Variants in FAM171A1 observed in about 807,000 individuals in gnomAD.
FAM171A1 encodes the protein protein FAM171A1.
In FAM171A1, 23 loss-of-function variants were observed where a neutral mutation model predicts 74.9. The observed-to-expected ratio is 0.31, with a 90% CI of 0.22 to 0.44. The LOEUF is 0.44. Among genes scored for constraint, FAM171A1 ranks in the 20% least tolerant of loss-of-function variants. The pLI, the probability that FAM171A1 is intolerant of heterozygous loss-of-function variation, is 1.00. For missense variants in FAM171A1, 1,162 were observed against 1,159.2 expected, an observed-to-expected ratio of 1.00 and a Z score of -0.03; for synonymous variants, 527 against 505.7, an observed-to-expected ratio of 1.04 and a Z score of -0.57.
chr10:15,325,105 C>T (rs1408006089), intron 1 of FAM171A1, among the ~76,000 whole-genome samples: 2 of 152,214 alleles, frequency 1.3e-5, no homozygotes, highest in African/African-American at 4.8e-5. Flanking sequence ...CCCTGACAGC[C>T]AGGGGAGTTC....
At chr10:15,257,878 G>A (rs983608293) in intron 3 of FAM171A1, among the ~76,000 whole-genome samples, 8 of 152,044 alleles carry the variant, frequency 5.3e-5, no homozygotes, top group Non-Finnish European at 1.0e-4. Context: ...GCCTGCCTCC[G>A]TGTACTAAAG....
intron 1 of FAM171A1, among the ~76,000 whole-genome samples, chr10:15,301,129 T>C (rs911826772): frequency 6.6e-6 from 1 of 152,136 alleles, no homozygotes; most frequent in African/African-American, 2.4e-5. Context: ...GCACATATTG[T>C]GGGCAAGATA....
chr10:15,360,217 G>A (rs922912744), intron 1 of FAM171A1, among the ~76,000 whole-genome samples: 1 of 152,170 alleles, frequency 6.6e-6, no homozygotes, highest in African/African-American at 2.4e-5. Context: ...GTAGGTGTGA[G>A]CCACCACACC....
chr10:15,263,024 A>G (rs1834680225), intron 3 of FAM171A1, among the ~76,000 whole-genome samples: 1 of 152,150 alleles, frequency 6.6e-6, no homozygotes, highest in Non-Finnish European at 1.5e-5. Context: ...TGCTGGGAAA[A>G]GCTTCCCACA....
At chr10:15,319,801 CATA>C (rs1246181461) in intron 1 of FAM171A1, among the ~76,000 whole-genome samples, 11 of 152,160 alleles carry the variant, frequency 7.2e-5, no homozygotes, top group Non-Finnish European at 1.5e-4. Context: ...CAAAAACAGA[CATA>C]ATCCCTTCAT....
chr10:15,332,604 C>G (rs920258391), intron 1 of FAM171A1, among the ~76,000 whole-genome samples: 2 of 152,146 alleles, frequency 1.3e-5, no homozygotes, highest in African/African-American at 4.8e-5. Flanking sequence ...AGTTTGCCAA[C>G]CTGTAATGAT....
At chr10:15,228,716 C>T (rs1296937532) in intron 5 of FAM171A1, among the ~76,000 whole-genome samples, 1 of 152,194 alleles carries the variant, frequency 6.6e-6, no homozygotes, top group African/African-American at 2.4e-5. Context: ...AAACACCCAG[C>T]AGCATAAAGG....
At chr10:15,268,685 C>T (rs1834780686) in intron 3 of FAM171A1, among the ~76,000 whole-genome samples, 1 of 151,948 alleles carries the variant, frequency 6.6e-6, no homozygotes, top group Non-Finnish European at 1.5e-5. Context: ...TGTTTAGGAC[C>T]AGAAAGAAGA....
rs748607496 is a variant in FAM171A1 at position 15,283,870 on chromosome 10, C to A, written c.325+8G>T. 1 of 1,613,518 alleles carries A rather than the reference C, an allele frequency of 6.2e-7. No individual in the cohort carries two copies. The highest frequency in any genetic ancestry group is 2.2e-5 in the East Asian group (1 of 44,896). On this transcript the variant is annotated splice_region_variant and intron_variant, in intron 2 of 7. Transcript: ENST00000378116. ...CTCTGTGTTAAAGAAAGATGAGGAA[C>A]GCCTTACCAGGTAACCGGATTGGCT...
chr10:15,331,819 ATATATATGTGTG>A (rs1222180094), intron 1 of FAM171A1, among the ~76,000 whole-genome samples: 39 of 102,198 alleles, frequency 3.8e-4, no homozygotes, highest in African/African-American at 1.1e-3. Flanking sequence ...ATATGTGGGT[ATATATATGTGTG>A]TATATATATG....
At chr10:15,223,963 T>A (rs898720723) in intron 5 of FAM171A1, among the ~76,000 whole-genome samples, 5 of 151,992 alleles carry the variant, frequency 3.3e-5, no homozygotes, top group African/African-American at 9.7e-5. Flanking sequence ...ACAAGCCTAG[T>A]GGGTGACCAC....
At chr10:15,305,393 A>C (rs1835280724) in intron 1 of FAM171A1, among the ~76,000 whole-genome samples, 1 of 152,110 alleles carries the variant, frequency 6.6e-6, no homozygotes, top group Non-Finnish European at 1.5e-5. Context: ...AACTGAATGG[A>C]GGGCTGGGTG....
chr10:15,328,424 G>A (rs1263016169), intron 1 of FAM171A1, among the ~76,000 whole-genome samples: 1 of 152,230 alleles, frequency 6.6e-6, no homozygotes, highest in African/African-American at 2.4e-5. Context: ...TGGGATTACA[G>A]GCATGAACCA....
At chr10:15,322,961 G>A (rs573036973) in intron 1 of FAM171A1, among the ~76,000 whole-genome samples, 5 of 152,030 alleles carry the variant, frequency 3.3e-5, no homozygotes, top group South Asian at 4.2e-4. Flanking sequence ...CCAACATGGC[G>A]AAACCCTGTC....
chr10:15,240,865 C>T (rs1236576506), intron 5 of FAM171A1: 12 of 326,444 alleles, frequency 3.7e-5, no homozygotes, highest in Non-Finnish European at 5.3e-5. Flanking sequence ...CACAGCAAGA[C>T]CCTATCTCTA....
At chr10:15,222,414 C>T (rs1365992277) in intron 5 of FAM171A1, among the ~76,000 whole-genome samples, 1 of 152,188 alleles carries the variant, frequency 6.6e-6, no homozygotes, top group Non-Finnish European at 1.5e-5. Flanking sequence ...CAAACCCGTA[C>T]ATCGTGTGAC....
chr10:15,248,985 C>T (rs1000847013), intron 4 of FAM171A1, among the ~76,000 whole-genome samples, 170 bp from the exon 5 acceptor site: 7 of 151,950 alleles, frequency 4.6e-5, no homozygotes, highest in Non-Finnish European at 2.9e-5. Context: ...CAGGTAAAAT[C>T]GTCATTTTTA....
chr10:15,274,923 T>C (rs1834874002), intron 3 of FAM171A1, among the ~76,000 whole-genome samples: 1 of 152,112 alleles, frequency 6.6e-6, no homozygotes, highest in African/African-American at 2.4e-5. Flanking sequence ...TATGCAGCCA[T>C]AAAAAATGAT....
At position 15,213,970 on chromosome 10, in the gene FAM171A1, T is replaced by C; in HGVS notation, c.1618A>G (p.Met540Val). ...QLLDRRPTEC[M>V]MSRSVDHLER... ...AGGTGATCTACTGATCGCGACATCA[T>C]ACATTCAGTGGGTCTGCGGTCCAGC... Residue 540 changes from methionine to valine, a missense_variant, in exon 8 of 8, where the codon ATG becomes GTG. Met to Val is a conservative substitution (Grantham distance 21, BLOSUM62 1). Coordinates refer to ENST00000378116, the MANE Select transcript of FAM171A1 (RefSeq NM_001010924.2). This position sits in a 1 kb window ranked among gnomAD's most constrained non-coding sequence, Gnocchi z 6.8. 5.0e-6 allele frequency: 8 copies of C among 1,614,194 alleles called. No individual in the cohort carries two copies. The highest frequency in any genetic ancestry group is 5.9e-6 in the Non-Finnish European group (7 of 1,180,036).
Sources: gnomAD v4.1 joint callset for allele counts (sites outside exome capture counted in the v4.1 genomes callset) on GRCh38, gnomAD v4.1.1 for gene constraint, Gnocchi (gnomAD v3.1) non-coding constraint, MANE v1.5 for transcripts, NCBI Gene and HGNC (gene_info 2026-07-23, HGNC 2026-07-21) for gene names.